The following MAK variants were observed in gnomAD, a reference collection of about 807,000 sequenced individuals.
MAK encodes the protein serine/threonine-protein kinase MAK.
Under a neutral mutation model 82.6 loss-of-function variants are expected in MAK, and 65 were observed. That is an observed-to-expected ratio of 0.79 (90% CI 0.64 to 0.97). The LOEUF is 0.97. MAK is among the 50% of genes least tolerant of loss of function. MAK has a pLI of 0.00. For missense variants in MAK, 703 were observed against 780.2 expected (o/e 0.90, Z 1.18); for synonymous variants, 250 against 274.2 (o/e 0.91, Z 0.87).
chr6:10,822,266 C>T (rs933368395), intron 2 of MAK, among the ~76,000 whole-genome samples: 51 of 151,558 alleles, frequency 3.4e-4, no homozygotes, highest in Non-Finnish European at 6.3e-4. Flanking sequence ...CCAGTCTAAC[C>T]AACATGGAGA....
intron 14 of MAK, among the ~76,000 whole-genome samples, chr6:10,766,725 C>CTTATT (rs1772470309): frequency 1.3e-5 from 2 of 151,988 alleles, no homozygotes; most frequent in Admixed American, 1.3e-4. Context: ...CAATAAGCCC[C>CTTATT]GCTTATTCAG....
intron 11 of MAK, among the ~76,000 whole-genome samples, chr6:10,779,127 CAAA>C (rs918122203): frequency 5.0e-5 from 1 of 20,002 alleles, no homozygotes; most frequent in Non-Finnish European, 1.1e-4. Flanking sequence ...CACTTCGTCT[CAAA>C]AAAAAAAAAA....
rs562228609 is a variant in MAK, at chr6:10,763,224, C to T, written c.*1228G>A. 154 of 152,744 alleles carry T rather than the reference C, an allele frequency of 1.0e-3. No individual in the cohort carries two copies. The highest frequency in any genetic ancestry group is 3.4e-3 in the African/African-American group (143 of 41,574). 9.5% of individuals were successfully genotyped at this position (152,744 alleles called of 1,614,324 possible). On this transcript the variant is annotated 3_prime_UTR_variant, in exon 15 of 15. Coordinates refer to ENST00000354489, the MANE Select transcript of MAK (RefSeq NM_001242957.3). ...TTCAGAGCAAATGTGAAGGTCAGAG[C>T]TGAGTCAGTGGTCAGCAGCATGAGC...
intron 2 of MAK, among the ~76,000 whole-genome samples, chr6:10,819,335 A>C (rs941874335): frequency 1.3e-5 from 2 of 152,242 alleles, no homozygotes; most frequent in Non-Finnish European, 2.9e-5. Context: ...TACAAACGTT[A>C]GAAATGGCTT....
intron 1 of MAK, among the ~76,000 whole-genome samples, chr6:10,833,595 ACT>A (rs1252234452): frequency 3.6e-5 from 5 of 138,650 alleles, no homozygotes; most frequent in South Asian, 2.3e-4. Flanking sequence ...ACAGTGCGAG[ACT>A]CTGTCTCAAA....
At chr6:10,835,089 T>C (rs1162609270) in intron 1 of MAK, among the ~76,000 whole-genome samples, 2 of 152,224 alleles carry the variant, frequency 1.3e-5, no homozygotes, top group African/African-American at 4.8e-5. Context: ...GTCTGGATGA[T>C]TAAAGGCCAG....
chr6:10,815,271 C>G (rs890219575), intron 4 of MAK, among the ~76,000 whole-genome samples: 2 of 152,154 alleles, frequency 1.3e-5, no homozygotes, highest in African/African-American at 4.8e-5. Context: ...GCCTCTAAAA[C>G]AATGTTTTTT....
intron 2 of MAK, among the ~76,000 whole-genome samples, chr6:10,825,657 A>G (rs188183041): frequency 2.0e-5 from 3 of 152,012 alleles, no homozygotes; most frequent in Non-Finnish European, 4.4e-5. Context: ...CCTCCTTGAC[A>G]TGGTACATGG....
chr6:10,764,183 G>T lies in MAK; in HGVS notation c.*269C>A. The T allele has an allele frequency of 5.3e-6, 2 of 375,350 alleles. No homozygotes were observed. The highest frequency in any genetic ancestry group is 9.6e-6 in the Non-Finnish European group (2 of 208,088). The allele number at this position is 375,350 out of a possible 1,614,324, so 23.3% of individuals were successfully genotyped here. ...TATTGGATTTACTATTTATTAAATT[G>T]TAGATCAAATACTTCATACTTTGGC... On this transcript the variant is annotated 3_prime_UTR_variant, in exon 15 of 15. Transcript: ENST00000354489.
Position 10,775,400 on chromosome 6 carries a change from A to G in MAK, c.1525T>C (p.Trp509Arg), listed in dbSNP as rs779951600. The change falls in exon 12 of 15, where the codon TGG (tryptophan) becomes CGG (arginine). Residue 509 changes from tryptophan (W) to arginine (R), a missense_variant. Coordinates refer to ENST00000354489, the MANE Select transcript of MAK (RefSeq NM_001242957.3). ...GACTTGGGGAATAACTGGTTGCTCC[A>G]AGTGTGGGGGTTTATTTCCTTTCCA... ...ASGKEINPHT[W>R]SNQLFPKSLG... 1.5e-5 allele frequency: 24 copies of G among 1,613,996 alleles called. No individual in the cohort carries two copies. In the Middle Eastern group the frequency reaches 9.9e-4, roughly 67 times the overall value.
At chr6:10,824,920 C>T (rs559281521) in intron 2 of MAK, among the ~76,000 whole-genome samples, 98 of 152,306 alleles carry the variant, frequency 6.4e-4, no homozygotes, top group Non-Finnish European at 1.3e-3. Context: ...TGAAATATCA[C>T]AAGGCCATTT....
At chr6:10,822,328 C>A (rs1778025536) in intron 2 of MAK, among the ~76,000 whole-genome samples, 1 of 151,756 alleles carries the variant, frequency 6.6e-6, no homozygotes, top group Non-Finnish European at 1.5e-5. Flanking sequence ...GTGGCGCATG[C>A]CTATAATCCC....
chr6:10,778,237 G>A (rs1260207290), intron 11 of MAK, among the ~76,000 whole-genome samples: 1 of 152,126 alleles, frequency 6.6e-6, no homozygotes, highest in Admixed American at 6.6e-5. Flanking sequence ...CTACTCTTTG[G>A]CTCTTAGAAT....
intron 11 of MAK, among the ~76,000 whole-genome samples, chr6:10,784,144 A>T (rs1746406523): frequency 6.6e-6 from 1 of 151,392 alleles, no homozygotes; most frequent in African/African-American, 2.4e-5. Flanking sequence ...AAAATTTAGG[A>T]TTTACTGAAT....
chr6:10,797,324 TC>T lies in MAK; in HGVS notation c.832-1016del, dbSNP rs1188977135. On this transcript the variant is annotated intron_variant, in intron 8 of 14. Transcript: ENST00000354489. The stretch of plus-strand genomic sequence containing the variant: ...ACCCCCTGGTGTATGGGTGGCACCA[TC>T]TAATAGCAGTGCTTCCCAAATGGAG... 2.0e-5 allele frequency among the ~76,000 whole-genome samples: 3 copies of T among 152,198 alleles called. No individual in the cohort carries two copies. In the East Asian group the frequency reaches 5.8e-4, roughly 29 times the overall value.
At chr6:10,817,656 A>G (rs1175316050) in intron 4 of MAK, among the ~76,000 whole-genome samples, 194 bp downstream of exon 4, 1 of 152,236 alleles carries the variant, frequency 6.6e-6, no homozygotes, top group East Asian at 1.9e-4. Flanking sequence ...AAGGATTTAC[A>G]ACAGAAAAAT....
At chr6:10,836,718 T>C (rs1474597539) in intron 1 of MAK, among the ~76,000 whole-genome samples, 2 of 152,212 alleles carry the variant, frequency 1.3e-5, no homozygotes, top group South Asian at 2.1e-4. Flanking sequence ...TGAATATATA[T>C]AGATATGATA....
intron 11 of MAK, 138 bp from the exon 12 acceptor site, chr6:10,775,597 A>G: frequency 1.0e-6 from 1 of 963,514 alleles, no homozygotes; most frequent in Non-Finnish European, 1.6e-6. Context: ...AATGTAGCAG[A>G]TACTTGCTTT....
At chr6:10,826,339 C>T (rs998189436) in intron 2 of MAK, among the ~76,000 whole-genome samples, 2 of 149,730 alleles carry the variant, frequency 1.3e-5, no homozygotes, top group East Asian at 2.0e-4. Flanking sequence ...CTTATCTAGG[C>T]TCCCACAGGA....
Sources: allele counts gnomAD v4.1 joint callset (sites outside exome capture counted in the v4.1 genomes callset), GRCh38; gene constraint gnomAD v4.1.1; transcripts MANE v1.5; gene names NCBI Gene and HGNC (gene_info 2026-07-23, HGNC 2026-07-21).